The following ITPR1 variants were observed in gnomAD, a reference collection of about 807,000 sequenced individuals.
ITPR1 encodes the protein inositol 1,4,5-trisphosphate-gated calcium channel ITPR1.
ITPR1 carries 96 observed loss-of-function variants against 318.4 expected under a neutral mutation model. That is an observed-to-expected ratio of 0.30 (90% confidence interval 0.26 to 0.36). ITPR1 has a LOEUF of 0.36. Among genes scored for constraint, ITPR1 ranks in the 10% least tolerant of loss-of-function variants. The pLI, the probability that ITPR1 is intolerant of heterozygous loss-of-function variation, is 1.00. For synonymous variants in ITPR1, 1,312 were observed against 1,289.9 expected (o/e 1.02, Z -0.37); for missense variants, 2,440 against 3,460.2 (o/e 0.71, Z 7.40).
At chr3:4,537,693 A>G (rs182051738) in intron 4 of ITPR1, among the ~76,000 whole-genome samples, 29 of 152,086 alleles carry the variant, frequency 1.9e-4, no homozygotes, top group African/African-American at 6.8e-4. Flanking sequence ...CCATGAGCCA[A>G]GGAATGCAGG....
intron 60 of ITPR1, among the ~76,000 whole-genome samples, chr3:4,832,261 G>C (rs980224566): frequency 3.9e-5 from 6 of 152,206 alleles, no homozygotes; most frequent in Admixed American, 1.3e-4. Flanking sequence ...TAAATTTCTG[G>C]ACCAGAAAAT....
chr3:4,721,819 G>C (rs1484286736), intron 40 of ITPR1, among the ~76,000 whole-genome samples: 1 of 152,240 alleles, frequency 6.6e-6, no homozygotes, highest in African/African-American at 2.4e-5. Context: ...GCCGCGATCT[G>C]TGCTGGTCTG....
intron 32 of ITPR1, 122 bp downstream of exon 32, chr3:4,691,466 T>C (rs1311378414): frequency 3.0e-6 from 2 of 657,734 alleles, no homozygotes; most frequent in South Asian, 4.1e-5. Flanking sequence ...CAGAAAGTAA[T>C]TGTGTGTGCA....
chr3:4,763,964 A>G (rs1394255290), intron 44 of ITPR1, among the ~76,000 whole-genome samples: 4 of 152,216 alleles, frequency 2.6e-5, no homozygotes, highest in Non-Finnish European at 5.9e-5. Flanking sequence ...GATTGTCCCA[A>G]AATGCTTTTA....
chr3:4,836,279 G>A (rs2050909356), intron 60 of ITPR1, among the ~76,000 whole-genome samples: 1 of 152,158 alleles, frequency 6.6e-6, no homozygotes, highest in Non-Finnish European at 1.5e-5. Flanking sequence ...GTTTGATGGG[G>A]ATGGAATTTC....
At chr3:4,612,131 G>A (rs932802369) in intron 4 of ITPR1, among the ~76,000 whole-genome samples, 2 of 133,324 alleles carry the variant, frequency 1.5e-5, no homozygotes, top group Non-Finnish European at 3.0e-5. Context: ...AGTCCATGTC[G>A]GCTCACTGCA....
At chr3:4,595,383 T>C (rs1208865105) in intron 4 of ITPR1, among the ~76,000 whole-genome samples, 1 of 152,156 alleles carries the variant, frequency 6.6e-6, no homozygotes, top group Non-Finnish European at 1.5e-5. Flanking sequence ...CAGCCAGATC[T>C]CGTGAGAACT....
At chr3:4,516,677 G>A (rs1195219847) in intron 3 of ITPR1, 94 bp downstream of exon 3, 64 of 802,880 alleles carry the variant, frequency 8.0e-5, no homozygotes, top group Admixed American at 2.7e-4. Flanking sequence ...GAACGTCACC[G>A]TTTTACTTGG....
chr3:4,542,686 G>T (rs201907078), intron 4 of ITPR1, among the ~76,000 whole-genome samples: 2 of 125,186 alleles, frequency 1.6e-5, no homozygotes, highest in East Asian at 2.3e-4. Flanking sequence ...TGTGTGGCGG[G>T]GGGGTGGGTC....
chr3:4,729,242 C>A (rs2042735919), intron 42 of ITPR1, among the ~76,000 whole-genome samples: 1 of 152,144 alleles, frequency 6.6e-6, no homozygotes, highest in South Asian at 2.1e-4. Flanking sequence ...GCCTCAGTTT[C>A]TTCTGCTGTA....
chr3:4,767,533 A>T (rs2045897466), intron 45 of ITPR1, among the ~76,000 whole-genome samples: 1 of 152,186 alleles, frequency 6.6e-6, no homozygotes, highest in Non-Finnish European at 1.5e-5. Context: ...TAAAAAACGA[A>T]ATCTTGGCTC....
At chr3:4,725,935 G>A (rs1194900339) in intron 41 of ITPR1, among the ~76,000 whole-genome samples, 1 of 152,166 alleles carries the variant, frequency 6.6e-6, no homozygotes, top group African/African-American at 2.4e-5. Context: ...GTGCAGAGAT[G>A]ATGCACTTTT....
intron 8 of ITPR1, among the ~76,000 whole-genome samples, chr3:4,644,927 C>G (rs1326901130): frequency 2.0e-5 from 3 of 152,142 alleles, no homozygotes; most frequent in African/African-American, 7.2e-5. Flanking sequence ...GTGTTAGCAC[C>G]TAAACCTAGT....
At chr3:4,685,760 T>G (rs975936027) in intron 30 of ITPR1, among the ~76,000 whole-genome samples, 1 of 152,220 alleles carries the variant, frequency 6.6e-6, no homozygotes, top group Non-Finnish European at 1.5e-5. Flanking sequence ...ACGTATTTGA[T>G]TTGGGGAGGC....
At chr3:4,569,861 C>A (rs2087796918) in intron 4 of ITPR1, among the ~76,000 whole-genome samples, 2 of 152,098 alleles carry the variant, frequency 1.3e-5, no homozygotes, top group African/African-American at 4.8e-5. Context: ...TGCATTTATG[C>A]ATATTTAATT....
intron 46 of ITPR1, among the ~76,000 whole-genome samples, chr3:4,772,491 A>G (rs537180333): frequency 6.6e-6 from 1 of 152,382 alleles, no homozygotes; most frequent in South Asian, 2.1e-4. Context: ...ATGTGATGGG[A>G]AAAACCTCTC....
At chr3:4,540,799 C>T (rs919906957) in intron 4 of ITPR1, among the ~76,000 whole-genome samples, 1 of 152,162 alleles carries the variant, frequency 6.6e-6, no homozygotes, top group African/African-American at 2.4e-5. Context: ...TGGTCTTGAA[C>T]TCCTGGGCTC....
intron 44 of ITPR1, among the ~76,000 whole-genome samples, chr3:4,761,584 T>A (rs1212707557): frequency 6.6e-6 from 1 of 152,226 alleles, no homozygotes; most frequent in Non-Finnish European, 1.5e-5. Flanking sequence ...GGGCCAGGTT[T>A]ATGTTGAAGG....
In ITPR1 at chr3:4,645,750, G is replaced by C. The variant is rs376456549; in HGVS notation, c.855+22G>C. 283 of 1,607,730 alleles carry C rather than the reference G, an allele frequency of 1.8e-4. 1 individual carries two copies. The highest frequency in any genetic ancestry group is 2.3e-4 in the Non-Finnish European group (276 of 1,178,708). ...GGAGGTAAGGGTAGGGTGGAGAAAG[G>C]GCTCCTGGGTTTAGAGGATATCAGC... On this transcript the variant is annotated intron_variant, in intron 10 of 61. Transcript: ENST00000649015.
Sources: gnomAD v4.1 joint callset for allele counts (sites outside exome capture counted in the v4.1 genomes callset) on GRCh38, gnomAD v4.1.1 for gene constraint, MANE v1.5 for transcripts, NCBI Gene and HGNC (gene_info 2026-07-23, HGNC 2026-07-21) for gene names.